The following LURAP1L variants were observed in gnomAD, a reference collection of about 807,000 sequenced individuals.
The protein encoded by LURAP1L is leucine rich adaptor protein 1 like, also known as leucine rich adaptor protein 1-like.
A neutral mutation model predicts 13.8 loss-of-function variants in LURAP1L; 12 were observed. That is an observed-to-expected ratio of 0.87 (90% CI 0.56 to 1.41). LURAP1L has a LOEUF of 1.41. LURAP1L is among the 40% of genes most tolerant of loss of function. The pLI, the probability that LURAP1L is intolerant of heterozygous loss-of-function variation, is 0.00. For synonymous variants in LURAP1L, 139 were observed against 119.2 expected (o/e 1.17, Z -1.08); for missense variants, 375 against 292.9 (o/e 1.28, Z -2.04).
chr9:12,821,840 T>C lies in LURAP1L; in HGVS notation c.*80T>C. 1.3e-6 allele frequency: 2 copies of C among 1,490,068 alleles called. No homozygotes were observed. Among genetic ancestry groups the C allele is most frequent in the Non-Finnish European group, 1.8e-6 (2 of 1,117,594 alleles). The allele number at this position is 1,490,068 out of a possible 1,614,324, so 92.3% of individuals were successfully genotyped here. A position where few individuals can be genotyped will look rare whatever the true frequency, so the allele number is the denominator to read the frequency against. Reference sequence around the variant, plus strand: ...TCCGCTGCTATATTTTTGGTGTGATTTTTATTTTAATAAGATGACCTTTTT... The same window carrying C: ...TCCGCTGCTATATTTTTGGTGTGATCTTTATTTTAATAAGATGACCTTTTT... On this transcript the variant is annotated 3_prime_UTR_variant, in exon 2 of 2. Transcript: ENST00000319264.
chr9:12,817,284 C>T (rs950555455), intron 1 of LURAP1L, among the ~76,000 whole-genome samples: 1 of 152,034 alleles, frequency 6.6e-6, no homozygotes, highest in African/African-American at 2.4e-5. Context: ...ACAGACAATC[C>T]AATCTGAAGC....
chr9:12,811,332 C>T (rs890221711), intron 1 of LURAP1L, among the ~76,000 whole-genome samples: 5 of 152,174 alleles, frequency 3.3e-5, no homozygotes, highest in African/African-American at 9.7e-5. Context: ...GTATACCCTA[C>T]TTTCATGACC....
At chr9:12,808,660 T>C (rs560986014) in intron 1 of LURAP1L, among the ~76,000 whole-genome samples, 28 of 152,302 alleles carry the variant, frequency 1.8e-4, no homozygotes, top group African/African-American at 6.7e-4. Context: ...TTAAAAAAGA[T>C]TTTCTATAAT....
At position 12,821,649 on chromosome 9, in the gene LURAP1L, C is replaced by G. The variant is rs201530825; in HGVS notation, c.576C>G (p.Gly192=). ...YLDTLADDVP[G]HQTPSDLDQF... ...ACACGTTGGCGGATGATGTCCCAGG[C>G]CATCAGACCCCTTCAGACTTGGACC... The change falls in exon 2 of 2, where the codon GGC becomes GGG. Residue 192 remains glycine (G), a synonymous_variant. Transcript: ENST00000319264. 6.2e-7 allele frequency: 1 copy of G among 1,614,140 alleles called. No homozygotes were observed. Among genetic ancestry groups the G allele is most frequent in the South Asian group, 1.1e-5 (1 of 91,084 alleles).
intron 1 of LURAP1L, among the ~76,000 whole-genome samples, chr9:12,780,252 C>T (rs546010227): frequency 1.3e-5 from 2 of 152,276 alleles, no homozygotes; most frequent in African/African-American, 4.8e-5. Context: ...CTCAGTTATC[C>T]TCTTCTTCTC....
At position 12,822,863 on chromosome 9, in the gene LURAP1L, T is replaced by C. The variant is rs1819900266; in HGVS notation, c.*1103T>C. ...GTGAGGGAATCTAATTAAGATTTCA[T>C]GCTGTTCTTTGTAATGATAAATGTT... On this transcript the variant is annotated 3_prime_UTR_variant, in exon 2 of 2. Coordinates refer to ENST00000319264, the MANE Select transcript of LURAP1L (RefSeq NM_203403.2). Among the ~76,000 whole-genome samples the C allele has an allele frequency of 6.6e-6, 1 of 152,208 alleles. No individual in the cohort carries two copies. Among genetic ancestry groups the C allele is most frequent in the South Asian group, 2.1e-4 (1 of 4,832 alleles).
chr9:12,784,252 T>C (rs1819317255), intron 1 of LURAP1L, among the ~76,000 whole-genome samples: 1 of 152,138 alleles, frequency 6.6e-6, no homozygotes, highest in Admixed American at 6.6e-5. Flanking sequence ...CTTGATGCTT[T>C]TGAGTGTTCA....
chr9:12,821,385 G>C lies in LURAP1L; in HGVS notation c.313-1G>C. Reference sequence around the variant, plus strand: ...TATCTTTCTTCTCTCTTTGTCCATAGGTTAACCTCAGAGCCACAGACGTCA... The same window carrying C: ...TATCTTTCTTCTCTCTTTGTCCATACGTTAACCTCAGAGCCACAGACGTCA... On this transcript the variant is annotated splice_acceptor_variant, in intron 1 of 1. Transcript: ENST00000319264. LOFTEE classifies it high-confidence loss of function. The C allele has an allele frequency of 6.2e-7, 1 of 1,611,828 alleles. No homozygotes were observed.
intron 1 of LURAP1L, among the ~76,000 whole-genome samples, chr9:12,806,043 A>G (rs1819652032): frequency 6.6e-6 from 1 of 152,198 alleles, no homozygotes; most frequent in South Asian, 2.1e-4. Context: ...TCACCCCAGG[A>G]GTTTCTTGGG....
chr9:12,783,730 G>T (rs1819307910), intron 1 of LURAP1L, among the ~76,000 whole-genome samples: 1 of 151,542 alleles, frequency 6.6e-6, no homozygotes, highest in South Asian at 2.1e-4. Context: ...ACTGAGTTTA[G>T]AAGTATTCTC....
rs751967116 is a variant in LURAP1L at position 12,775,973 on chromosome 9, C to T, written c.258C>T (p.His86=). ...SPTSGSPRGS[H]SSALERLETK... The stretch of plus-strand genomic sequence containing the variant: ...CCTCTGGCTCCCCACGAGGTAGCCA[C>T]TCTAGCGCCCTGGAGAGGCTAGAAA... Residue 86 remains histidine (H), a synonymous_variant, in exon 1 of 2, where the codon CAC becomes CAT. Transcript: ENST00000319264. The T allele has an allele frequency of 1.2e-6, 2 of 1,603,982 alleles. No individual in the cohort carries two copies. The highest frequency in any genetic ancestry group is 1.1e-5 in the South Asian group (1 of 89,178).
intron 1 of LURAP1L, among the ~76,000 whole-genome samples, chr9:12,778,529 T>C (rs1300644685): frequency 6.6e-6 from 1 of 152,182 alleles, no homozygotes; most frequent in Non-Finnish European, 1.5e-5. Flanking sequence ...TGGGTTCCGT[T>C]GATCTTACAA....
intron 1 of LURAP1L, among the ~76,000 whole-genome samples, chr9:12,804,664 A>G (rs948638275): frequency 3.9e-5 from 6 of 152,142 alleles, no homozygotes; most frequent in Admixed American, 1.3e-4. Context: ...GATTCTATCA[A>G]AAAAATTTTT....
intron 1 of LURAP1L, among the ~76,000 whole-genome samples, chr9:12,805,338 T>C (rs1819641693): frequency 6.6e-6 from 1 of 152,152 alleles, no homozygotes; most frequent in Non-Finnish European, 1.5e-5. Flanking sequence ...ATTTAATTTA[T>C]TGGTATATCC....
chr9:12,805,788 T>A (rs2118524161), intron 1 of LURAP1L, among the ~76,000 whole-genome samples: 1 of 152,344 alleles, frequency 6.6e-6, no homozygotes, highest in Non-Finnish European at 1.5e-5. Context: ...TGGAATCGGC[T>A]GTTTTATACA....
chr9:12,822,413 A>G lies in LURAP1L; in HGVS notation c.*653A>G, dbSNP rs368333804. Among the ~76,000 whole-genome samples the G allele has an allele frequency of 1.3e-5, 2 of 152,160 alleles. No individual in the cohort carries two copies. The highest frequency in any genetic ancestry group is 2.4e-5 in the African/African-American group (1 of 41,430). ...GTCATCAGTGATTCTAACTCAAATCATATGTTTATTTGTGTAATAAAATGT... is the reference window on the plus strand; with the variant it reads ...GTCATCAGTGATTCTAACTCAAATCGTATGTTTATTTGTGTAATAAAATGT... On this transcript the variant is annotated 3_prime_UTR_variant, in exon 2 of 2. Coordinates refer to ENST00000319264, the MANE Select transcript of LURAP1L (RefSeq NM_203403.2).
intron 1 of LURAP1L, among the ~76,000 whole-genome samples, chr9:12,815,518 T>C (rs776231700): frequency 2.0e-5 from 3 of 152,176 alleles, no homozygotes; most frequent in Non-Finnish European, 4.4e-5. Context: ...CTTCAATGTA[T>C]GTGACTATGG....
At chr9:12,804,662 C>CA (rs895800751) in intron 1 of LURAP1L, among the ~76,000 whole-genome samples, 9 of 151,486 alleles carry the variant, frequency 5.9e-5, no homozygotes, top group East Asian at 1.9e-4. Context: ...TTGATTCTAT[C>CA]AAAAAAATTT....
At chr9:12,798,036 C>T (rs1819532747) in intron 1 of LURAP1L, among the ~76,000 whole-genome samples, 1 of 152,068 alleles carries the variant, frequency 6.6e-6, no homozygotes, top group Non-Finnish European at 1.5e-5. Flanking sequence ...GATATCTCTG[C>T]AGTGTTTTAT....
Sources: gnomAD v4.1 joint callset for allele counts (sites outside exome capture counted in the v4.1 genomes callset) on GRCh38, gnomAD v4.1.1 for gene constraint, MANE v1.5 for transcripts, NCBI Gene and HGNC (gene_info 2026-07-23, HGNC 2026-07-21) for gene names.